Variants in ZFYVE9 observed in about 807,000 individuals in gnomAD.
ZFYVE9 encodes the protein zinc finger FYVE-type containing 9, also known as zinc finger FYVE domain-containing protein 9.
In ZFYVE9, 43 loss-of-function variants were observed where a neutral mutation model predicts 126.7. That is an observed-to-expected ratio of 0.34 (90% confidence interval 0.27 to 0.44). The LOEUF (loss-of-function observed/expected upper bound fraction) is 0.44. ZFYVE9 is among the 20% of genes least tolerant of loss of function. ZFYVE9 has a pLI of 1.00. For synonymous variants in ZFYVE9, 521 were observed against 597.4 expected, an observed-to-expected ratio of 0.87 and a Z score of 1.87; for missense variants, 1,476 against 1,697.0, an observed-to-expected ratio of 0.87 and a Z score of 2.29.
At chr1:52,175,837 C>T (rs535866491) in intron 1 of ZFYVE9, among the ~76,000 whole-genome samples, 6 of 152,172 alleles carry the variant, frequency 3.9e-5, no homozygotes, top group Non-Finnish European at 5.9e-5. Flanking sequence ...AGTTCTCGAG[C>T]CTTGGCTTTC....
At chr1:52,181,917 C>G (rs1557442457) in intron 1 of ZFYVE9, among the ~76,000 whole-genome samples, 1 of 151,704 alleles carries the variant, frequency 6.6e-6, no homozygotes, top group Non-Finnish European at 1.5e-5. Flanking sequence ...TAAGGAGCGT[C>G]TCCGCCCGGC....
intron 13 of ZFYVE9, among the ~76,000 whole-genome samples, chr1:52,315,078 A>C (rs1454776660): frequency 2.6e-5 from 4 of 152,238 alleles, no homozygotes. Context: ...AAAGTGACAG[A>C]AATGATAAAT....
intron 1 of ZFYVE9, among the ~76,000 whole-genome samples, chr1:52,178,745 G>A (rs1644665543): frequency 6.6e-6 from 1 of 152,188 alleles, no homozygotes; most frequent in Non-Finnish European, 1.5e-5. Flanking sequence ...AACAAAGCCA[G>A]AGACAATAAT....
intron 1 of ZFYVE9, among the ~76,000 whole-genome samples, chr1:52,164,550 ATCTATCTG>A (rs988253518): frequency 1.3e-5 from 2 of 151,970 alleles, no homozygotes; most frequent in Non-Finnish European, 2.9e-5. Context: ...CTATCTATCT[ATCTATCTG>A]TTTGCACCGA....
At chr1:52,198,120 GTTTGTTTTTTT>G (rs1442273978) in intron 1 of ZFYVE9, among the ~76,000 whole-genome samples, 1 of 111,082 alleles carries the variant, frequency 9.0e-6, no homozygotes, top group Non-Finnish European at 1.7e-5. Flanking sequence ...GTTTTTTTTT[GTTTGTTTTTTT>G]TTTTTTTTGA....
chr1:52,272,557 G>A (rs1425592764), intron 7 of ZFYVE9, among the ~76,000 whole-genome samples: 1 of 151,816 alleles, frequency 6.6e-6, no homozygotes, highest in Non-Finnish European at 1.5e-5. Flanking sequence ...TTATTTCTGA[G>A]TAGTATTCCA....
At chr1:52,319,918 C>T (rs1022538239) in intron 13 of ZFYVE9, among the ~76,000 whole-genome samples, 1 of 148,906 alleles carries the variant, frequency 6.7e-6, no homozygotes, top group Non-Finnish European at 1.5e-5. Flanking sequence ...GAGGCTGAGG[C>T]AGGAGAATCT....
chr1:52,217,011 C>T (rs1330821464), intron 2 of ZFYVE9, among the ~76,000 whole-genome samples: 1 of 151,774 alleles, frequency 6.6e-6, no homozygotes, highest in African/African-American at 2.4e-5. Context: ...GGTGTGAACC[C>T]CCAATATCTG....
At chr1:52,320,726 G>T (rs1646231051) in intron 13 of ZFYVE9, among the ~76,000 whole-genome samples, 1 of 152,188 alleles carries the variant, frequency 6.6e-6, no homozygotes, top group African/African-American at 2.4e-5. Flanking sequence ...TTGAAGGAGG[G>T]TGAGGGAACC....
intron 10 of ZFYVE9, among the ~76,000 whole-genome samples, chr1:52,289,320 C>A (rs1645895137): frequency 6.6e-6 from 1 of 152,154 alleles, no homozygotes; most frequent in Non-Finnish European, 1.5e-5. Context: ...TCAGTTTCTT[C>A]ATTTGTCAAA....
intron 1 of ZFYVE9, among the ~76,000 whole-genome samples, chr1:52,189,683 T>TG (rs1644799287): frequency 6.6e-6 from 1 of 151,326 alleles, no homozygotes. Context: ...TTAGGTTGTT[T>TG]TTTTTTTTTT....
intron 1 of ZFYVE9, among the ~76,000 whole-genome samples, chr1:52,152,772 A>T (rs1644369246): frequency 6.6e-6 from 1 of 152,224 alleles, no homozygotes; most frequent in African/African-American, 2.4e-5. Context: ...ACTAACAATA[A>T]TACATCAGTG....
At chr1:52,316,183 A>AAG (rs1557516485) in intron 13 of ZFYVE9, among the ~76,000 whole-genome samples, 1 of 147,400 alleles carries the variant, frequency 6.8e-6, no homozygotes, top group Non-Finnish European at 1.5e-5. Context: ...AAAAAAAAAA[A>AAG]AAAAAAAGAA....
intron 1 of ZFYVE9, among the ~76,000 whole-genome samples, chr1:52,166,110 G>C (rs1406252757): frequency 1.3e-5 from 2 of 152,186 alleles, no homozygotes; most frequent in Non-Finnish European, 2.9e-5. Context: ...CTCGAGTTGA[G>C]ATTTAACAAA....
At chr1:52,315,273 C>A (rs1447254816) in intron 13 of ZFYVE9, among the ~76,000 whole-genome samples, 1 of 151,802 alleles carries the variant, frequency 6.6e-6, no homozygotes, top group East Asian at 1.9e-4. Flanking sequence ...ACAAAAAATA[C>A]AAAAATTAGC....
chr1:52,246,085 A>G (rs1645381432), intron 4 of ZFYVE9, among the ~76,000 whole-genome samples: 1 of 151,412 alleles, frequency 6.6e-6, no homozygotes, highest in Non-Finnish European at 1.5e-5. Context: ...ACACCACCAC[A>G]CCCAGCTAAT....
At chr1:52,305,548 T>TGGTGCTGCCAGGGC (rs1646074998) in intron 13 of ZFYVE9, among the ~76,000 whole-genome samples, 1 of 151,942 alleles carries the variant, frequency 6.6e-6, no homozygotes. Context: ...TGCAGCAGGG[T>TGGTGCTGCCAGGGC]GGTGCTGCCA....
At chr1:52,175,874 G>T (rs1267395149) in intron 1 of ZFYVE9, among the ~76,000 whole-genome samples, 1 of 151,952 alleles carries the variant, frequency 6.6e-6, no homozygotes, top group Non-Finnish European at 1.5e-5. Flanking sequence ...TCTCTGTATT[G>T]GTTATTCTAG....
intron 7 of ZFYVE9, among the ~76,000 whole-genome samples, chr1:52,269,258 T>C (rs1278208051): frequency 2.0e-5 from 3 of 151,982 alleles, no homozygotes; most frequent in African/African-American, 7.3e-5. Flanking sequence ...GCCTCCAAAG[T>C]AGGTGGGATT....
Sources: allele counts gnomAD v4.1 joint callset (sites outside exome capture counted in the v4.1 genomes callset), GRCh38; gene constraint gnomAD v4.1.1; transcripts MANE v1.5; gene names NCBI Gene and HGNC (gene_info 2026-07-23, HGNC 2026-07-21).